Variants in MYPN observed in about 807,000 individuals in gnomAD.
The protein encoded by MYPN is myopalladin.
Under a neutral mutation model 129.4 loss-of-function variants are expected in MYPN, and 63 were observed. The ratio of observed to expected loss-of-function variants is 0.49; its 90% confidence interval spans 0.40 to 0.60. MYPN has a LOEUF of 0.60. Among genes scored for constraint, MYPN ranks in the 20% least tolerant of loss-of-function variants. The probability of loss-of-function intolerance (pLI) is 0.00; values close to 1 mark genes in which losing one functional copy is unlikely to be tolerated. For missense variants in MYPN, 1,596 were observed against 1,635.4 expected (o/e 0.98, Z 0.42); for synonymous variants, 629 against 600.9 (o/e 1.05, Z -0.68).
At chr10:68,196,409 A>C (rs1194766320) in intron 15 of MYPN, among the ~76,000 whole-genome samples, 1 of 151,992 alleles carries the variant, frequency 6.6e-6, no homozygotes, top group East Asian at 1.9e-4. Flanking sequence ...AATGTGACTT[A>C]CCAAAGGAAC....
At position 68,188,886 on chromosome 10, in the gene MYPN, AC is replaced by A. The variant is rs753019037; in HGVS notation, c.2704-18del. Reference sequence around the variant, plus strand: ...TTCCTTGCCATATGGAAATTGAAACACGTTTGTCATTTTGACAGGAGTACAA... The same window carrying A: ...TTCCTTGCCATATGGAAATTGAAACAGTTTGTCATTTTGACAGGAGTACAA... On this transcript the variant is annotated intron_variant, in intron 12 of 19. Coordinates refer to ENST00000358913, the MANE Select transcript of MYPN (RefSeq NM_032578.4). 3.7e-6 allele frequency: 6 copies of A among 1,606,826 alleles called. No individual in the cohort carries two copies. The highest frequency in any genetic ancestry group is 4.3e-6 in the Non-Finnish European group (5 of 1,174,720).
At chr10:68,099,340 G>A (rs1315267205) in intron 1 of MYPN, among the ~76,000 whole-genome samples, 1 of 152,184 alleles carries the variant, frequency 6.6e-6, no homozygotes, top group African/African-American at 2.4e-5. Flanking sequence ...TTCAAGGGCA[G>A]GAGTGTTGTT....
intron 6 of MYPN, chr10:68,158,140 C>A: frequency 4.4e-6 from 1 of 227,090 alleles, no homozygotes; most frequent in Non-Finnish European, 8.7e-6. Flanking sequence ...ATTAATTCAG[C>A]TGATCAGGCT....
intron 2 of MYPN, chr10:68,136,299 A>G (rs2042486113): frequency 2.0e-6 from 2 of 987,432 alleles, no homozygotes; most frequent in Non-Finnish European, 1.2e-6. Context: ...GACCTGCCCT[A>G]TTTATCCCAA....
intron 10 of MYPN, among the ~76,000 whole-genome samples, chr10:68,171,146 C>CAAAAAAAAA (rs10656004): frequency 7.5e-6 from 1 of 132,782 alleles, no homozygotes; most frequent in Non-Finnish European, 1.6e-5. Context: ...AAGACTCTGT[C>CAAAAAAAAA]AAAAAAAAAA....
chr10:68,204,835 A>G (rs1473194531), intron 18 of MYPN, among the ~76,000 whole-genome samples: 2 of 151,640 alleles, frequency 1.3e-5, no homozygotes, highest in African/African-American at 2.4e-5. Context: ...CCTTTACCAT[A>G]GTGCACGTGA....
intron 13 of MYPN, among the ~76,000 whole-genome samples, chr10:68,189,631 C>G (rs1162698536): frequency 6.6e-6 from 1 of 152,166 alleles, no homozygotes; most frequent in Non-Finnish European, 1.5e-5. Flanking sequence ...CTTTCTGTGC[C>G]CAGCTTACTT....
chr10:68,134,707 A>C (rs1006961659), intron 2 of MYPN, among the ~76,000 whole-genome samples: 2 of 152,138 alleles, frequency 1.3e-5, no homozygotes, highest in Non-Finnish European at 2.9e-5. Context: ...AGGCAGGAGA[A>C]TCACTTGCAC....
At chr10:68,120,815 A>T (rs2042230079) in intron 1 of MYPN, among the ~76,000 whole-genome samples, 1 of 152,250 alleles carries the variant, frequency 6.6e-6, no homozygotes, top group African/African-American at 2.4e-5. Flanking sequence ...TATCAGGCTT[A>T]GAAATGTTAT....
chr10:68,158,332 T>A, intron 6 of MYPN, 154 bp from the exon 7 acceptor site: 10 of 716,172 alleles, frequency 1.4e-5, no homozygotes, highest in Non-Finnish European at 2.3e-5. Context: ...TACTTTTGAA[T>A]GCACATCCAC....
intron 14 of MYPN, 80 bp from the exon 15 acceptor site, chr10:68,195,370 T>C: frequency 7.5e-7 from 1 of 1,341,190 alleles, no homozygotes; most frequent in Non-Finnish European, 1.1e-6. Flanking sequence ...TTCACGGTGT[T>C]CTGGTCCAGA....
chr10:68,108,149 C>T (rs2042035151), upstream of MYPN, among the ~76,000 whole-genome samples: 1 of 152,176 alleles, frequency 6.6e-6, no homozygotes, highest in Admixed American at 6.5e-5. Flanking sequence ...TGAGAATAAC[C>T]TGTACAGATA....
chr10:68,117,911 A>G (rs1033026317), intron 1 of MYPN, among the ~76,000 whole-genome samples: 3 of 152,076 alleles, frequency 2.0e-5, no homozygotes, highest in African/African-American at 7.2e-5. Context: ...TGTTTTACAG[A>G]TGAGTAAACT....
At position 68,114,336 on chromosome 10, in the gene MYPN, CTTTTTTTTTTCTTTT is replaced by C. The variant is rs979967897; in HGVS notation, c.-2+4624_-2+4638del. On this transcript the variant is annotated intron_variant, in intron 1 of 19. Coordinates refer to ENST00000358913, the MANE Select transcript of MYPN (RefSeq NM_032578.4). ...CTTTTGTTTTTATGAACCTGACTCTCTTTTTTTTTTCTTTTTTTTTTTTTTGACGGAGTCTTGCTC... is the reference window on the plus strand; with the variant it reads ...CTTTTGTTTTTATGAACCTGACTCTCTTTTTTTTTTGACGGAGTCTTGCTC... 7 of 140,372 alleles carry C rather than the reference CTTTTTTTTTTCTTTT, an allele frequency of 5.0e-5. No individual in the cohort carries two copies. In the Admixed American group the frequency reaches 5.1e-4, roughly 10 times the overall value. The allele number at this position is 140,372 out of a possible 1,614,324, so 8.7% of individuals were successfully genotyped here.
rs11816559 is a variant in MYPN at position 68,202,232 on chromosome 10, G to A, written c.3659+238G>A. On this transcript the variant is annotated intron_variant, in intron 18 of 19. Coordinates refer to ENST00000358913, the MANE Select transcript of MYPN (RefSeq NM_032578.4). ...TGGATCACGAGGTCAGGAGATCGAG[G>A]CCATCCTGGCTAACATAGTGAAACC... 0.15 allele frequency among the ~76,000 whole-genome samples: 22,277 copies of A among 152,088 alleles called. 2,120 individuals carry two copies. Among genetic ancestry groups the A allele is most frequent in the Admixed American group, 0.2 (3,100 of 15,278 alleles).
intron 1 of MYPN, among the ~76,000 whole-genome samples, chr10:68,115,302 T>G (rs1188644384): frequency 6.7e-6 from 1 of 149,868 alleles, no homozygotes; most frequent in Non-Finnish European, 1.5e-5. Context: ...CTCTGAATAC[T>G]GCAGCTGAAA....
At position 68,209,157 on chromosome 10, in the gene MYPN, C is replaced by T. The variant is rs777645826; in HGVS notation, c.3794-1129C>T. ...GCACGAGAGTTCCCCACCTAGGGAACGCCCTTCTGCACACCAAGGTCCCCA... is the reference window on the plus strand; with the variant it reads ...GCACGAGAGTTCCCCACCTAGGGAATGCCCTTCTGCACACCAAGGTCCCCA... On this transcript the variant is annotated intron_variant, in intron 19 of 19. Transcript: ENST00000358913. Among the ~76,000 whole-genome samples the T allele has an allele frequency of 3.0e-4, 45 of 152,166 alleles. No individual in the cohort carries two copies. In the South Asian group the frequency reaches 3.3e-3, roughly 11 times the overall value.
intron 9 of MYPN, among the ~76,000 whole-genome samples, 169 bp from the exon 10 acceptor site, chr10:68,166,125 A>T (rs2043049177): frequency 2.0e-5 from 3 of 151,834 alleles, no homozygotes; most frequent in African/African-American, 4.8e-5. Context: ...TTTTAATTTA[A>T]TTTTTTCCTG....
Position 68,166,496 on chromosome 10 carries a change from C to A in MYPN, c.1803C>A (p.Asn601Lys), listed in dbSNP as rs1327960422. 4 of 1,614,042 alleles carry A rather than the reference C, an allele frequency of 2.5e-6. No individual in the cohort carries two copies. In the African/African-American group the frequency reaches 4.0e-5, roughly 16 times the overall value. ...SSRIGLRVHF[N>K]LPEDDKGSEA... ...GGATTGGGCTTCGTGTGCACTTCAA[C>A]CTGCCTGAAGATGACAAAGGAAGTG... Residue 601 changes from asparagine to lysine, a missense_variant, in exon 10 of 20, where the codon AAC becomes AAA. By Grantham distance (94) the Asn-to-Lys change is moderately conservative. Coordinates refer to ENST00000358913, the MANE Select transcript of MYPN (RefSeq NM_032578.4).
Sources: allele counts gnomAD v4.1 joint callset (sites outside exome capture counted in the v4.1 genomes callset), GRCh38; gene constraint gnomAD v4.1.1; transcripts MANE v1.5; gene names NCBI Gene and HGNC (gene_info 2026-07-23, HGNC 2026-07-21).